Variants in MARCHF10 observed in about 807,000 individuals in gnomAD.
The protein encoded by MARCHF10 is probable E3 ubiquitin-protein ligase MARCHF10.
In MARCHF10, 64 loss-of-function variants were observed where a neutral mutation model predicts 76.2. The observed-to-expected ratio is 0.84, with a 90% CI of 0.69 to 1.03. The LOEUF (loss-of-function observed/expected upper bound fraction) is 1.03, where lower values mean the gene tolerates loss of function less well. Among genes scored for constraint, MARCHF10 ranks in the 50% least tolerant of loss-of-function variants. MARCHF10 has a pLI of 0.00. For synonymous variants in MARCHF10, 340 were observed against 357.5 expected (o/e 0.95, Z 0.55); for missense variants, 875 against 958.0 (o/e 0.91, Z 1.14).
intron 1 of MARCHF10, chr17:62,804,880 G>T (rs1402178224): frequency 1.4e-4 from 22 of 152,254 alleles, no homozygotes; most frequent in Non-Finnish European, 1.5e-5. Context: ...ACATCAGGAT[G>T]GGACAGGCGA....
chr17:62,744,966 T>C (rs1228383275), intron 4 of MARCHF10, among the ~76,000 whole-genome samples: 1 of 125,430 alleles, frequency 8.0e-6, no homozygotes, highest in Non-Finnish European at 1.6e-5. Flanking sequence ...ATGGTGCCAC[T>C]GCACTCCAGC....
chr17:62,804,357 A>G (rs2093128835), intron 1 of MARCHF10, among the ~76,000 whole-genome samples: 1 of 152,136 alleles, frequency 6.6e-6, no homozygotes, highest in South Asian at 2.1e-4. Flanking sequence ...TTGAAGGAAG[A>G]ATGGGAACGA....
intron 2 of MARCHF10, among the ~76,000 whole-genome samples, chr17:62,797,956 G>C (rs114772255): frequency 0.015 from 2,326 of 152,256 alleles, 63 homozygotes; most frequent in African/African-American, 0.053. Context: ...GATGAGGAGG[G>C]AGAGGAAGAG....
intron 3 of MARCHF10, among the ~76,000 whole-genome samples, chr17:62,779,665 C>T (rs2092620828): frequency 6.6e-6 from 1 of 152,182 alleles, no homozygotes; most frequent in Admixed American, 6.5e-5. Flanking sequence ...TTATGCAGGG[C>T]TGGATTCTGG....
chr17:62,759,777 T>C (rs2092145445), intron 4 of MARCHF10, 58 bp downstream of exon 4: 2 of 1,567,478 alleles, frequency 1.3e-6, no homozygotes, highest in Middle Eastern at 3.4e-4. Flanking sequence ...GGCCTGTTGT[T>C]GTTATTTTTA....
chr17:62,701,448 G>T lies in MARCHF10; in HGVS notation c.*255C>A. ...GCAGGGCTTCTGGGCTAAGGGGGCA[G>T]CACCAGGCCAGCCTGCCAGGGGCTC... On this transcript the variant is annotated 3_prime_UTR_variant, in exon 11 of 11. Transcript: ENST00000311269. 2.5e-6 allele frequency: 2 copies of T among 797,950 alleles called. No individual in the cohort carries two copies. Among genetic ancestry groups the T allele is most frequent in the Non-Finnish European group, 3.7e-6 (2 of 533,498 alleles). 49.4% of individuals were successfully genotyped at this position (797,950 alleles called of 1,614,324 possible).
chr17:62,791,203 G>A (rs566498300), intron 2 of MARCHF10, among the ~76,000 whole-genome samples: 27 of 152,304 alleles, frequency 1.8e-4, no homozygotes, highest in Non-Finnish European at 3.7e-4. Flanking sequence ...TCAGCTAAAC[G>A]TGTGCCTTTG....
intron 6 of MARCHF10, among the ~76,000 whole-genome samples, chr17:62,734,402 C>T (rs1323267180): frequency 6.6e-6 from 1 of 151,920 alleles, no homozygotes. Context: ...ACGGTGGGCA[C>T]AGGGGTGTCT....
At chr17:62,709,544 C>T (rs1405885239) in intron 9 of MARCHF10, among the ~76,000 whole-genome samples, 1 of 151,318 alleles carries the variant, frequency 6.6e-6, no homozygotes, top group East Asian at 1.9e-4. Flanking sequence ...TCATGAGACA[C>T]AACCAAGAAA....
chr17:62,705,336 T>A, intron 10 of MARCHF10: 1 of 1,488,988 alleles, frequency 6.7e-7, no homozygotes, highest in South Asian at 1.3e-5. Flanking sequence ...GAATTAAAAT[T>A]CTTATCTGCT....
chr17:62,783,666 A>C (rs1411000438), intron 3 of MARCHF10, among the ~76,000 whole-genome samples: 1 of 152,170 alleles, frequency 6.6e-6, no homozygotes, highest in African/African-American at 2.4e-5. Context: ...AATCAAATAG[A>C]CGCAATAAAA....
intron 7 of MARCHF10, among the ~76,000 whole-genome samples, chr17:62,723,174 A>T (rs1183736136): frequency 6.6e-6 from 1 of 151,176 alleles, no homozygotes; most frequent in Non-Finnish European, 1.5e-5. Flanking sequence ...GCTCAGACTC[A>T]TCGGGGAAAA....
At chr17:62,799,815 C>T (rs1283865745) in intron 2 of MARCHF10, among the ~76,000 whole-genome samples, 1 of 152,120 alleles carries the variant, frequency 6.6e-6, no homozygotes, top group Non-Finnish European at 1.5e-5. Context: ...GTGACACTTC[C>T]GTACTTTCCC....
At chr17:62,772,328 C>T (rs545960894) in intron 3 of MARCHF10, among the ~76,000 whole-genome samples, 7 of 152,268 alleles carry the variant, frequency 4.6e-5, no homozygotes, top group South Asian at 2.1e-4. Context: ...AAGTGCCTTT[C>T]GCCTTCTGCC....
chr17:62,705,293 C>G, intron 10 of MARCHF10: 1 of 1,439,512 alleles, frequency 6.9e-7, no homozygotes, highest in Admixed American at 2.9e-5. Context: ...ATAACCTCTT[C>G]CCTTTGTTGG....
chr17:62,765,790 G>A (rs7210278), intron 3 of MARCHF10, among the ~76,000 whole-genome samples: 75,488 of 151,968 alleles, frequency 0.5, 20,297 homozygotes, highest in East Asian at 0.7. Flanking sequence ...CATTTTTCCC[G>A]CTTCCAAATA....
At chr17:62,743,369 C>T (rs1001612209) in intron 5 of MARCHF10, among the ~76,000 whole-genome samples, 6 of 152,120 alleles carry the variant, frequency 3.9e-5, no homozygotes, top group Non-Finnish European at 2.9e-5. Flanking sequence ...AAAGGCAGGC[C>T]GGGTGCCATG....
At chr17:62,795,045 C>T in intron 2 of MARCHF10, 1 of 985,238 alleles carries the variant, frequency 1.0e-6, no homozygotes, top group Non-Finnish European at 1.2e-6. Flanking sequence ...GGAGGAGAAT[C>T]CCTCACCTCC....
intron 3 of MARCHF10, among the ~76,000 whole-genome samples, chr17:62,778,301 T>C (rs950974005): frequency 6.6e-6 from 1 of 152,086 alleles, no homozygotes; most frequent in Non-Finnish European, 1.5e-5. Flanking sequence ...CTTGCGAAGG[T>C]ATCTGAATTT....
Sources: allele counts gnomAD v4.1 joint callset (sites outside exome capture counted in the v4.1 genomes callset), GRCh38; gene constraint gnomAD v4.1.1; transcripts MANE v1.5; gene names NCBI Gene and HGNC (gene_info 2026-07-23, HGNC 2026-07-21).